Variants in COL21A1 observed in about 807,000 individuals in gnomAD.
COL21A1 encodes collagen type XXI alpha 1 chain.
COL21A1 carries 149 observed loss-of-function variants against 137.9 expected under a neutral mutation model. That is an observed-to-expected ratio of 1.08 (90% CI 0.95 to 1.24). The LOEUF (loss-of-function observed/expected upper bound fraction) is 1.24. Ranked by LOEUF, COL21A1 falls within the 50% of genes most tolerant of loss-of-function variation. The pLI, the probability that COL21A1 is intolerant of heterozygous loss-of-function variation, is 0.00. For missense variants in COL21A1, 1,167 were observed against 1,158.4 expected, an observed-to-expected ratio of 1.01 and a Z score of -0.11; for synonymous variants, 456 against 391.5, an observed-to-expected ratio of 1.16 and a Z score of -1.95.
intron 12 of COL21A1, among the ~76,000 whole-genome samples, chr6:56,131,233 C>A (rs1442580118): frequency 6.6e-6 from 1 of 151,544 alleles, no homozygotes; most frequent in Non-Finnish European, 1.5e-5. Context: ...TAATAACTTG[C>A]AAAGGCAAAT....
intron 1 of COL21A1, among the ~76,000 whole-genome samples, chr6:56,255,462 T>C (rs1289242119): frequency 6.6e-6 from 1 of 152,020 alleles, no homozygotes; most frequent in Admixed American, 6.6e-5. Flanking sequence ...GCCTTTTTTA[T>C]CAGATGCTAT....
At chr6:56,156,584 T>C (rs1582506972) in intron 10 of COL21A1, among the ~76,000 whole-genome samples, 1 of 152,268 alleles carries the variant, frequency 6.6e-6, no homozygotes, top group East Asian at 1.9e-4. Context: ...GAGCACCAAT[T>C]AGTAAAGGGA....
chr6:56,073,748 C>T (rs1318606564), intron 20 of COL21A1, among the ~76,000 whole-genome samples: 1 of 151,556 alleles, frequency 6.6e-6, no homozygotes, highest in Non-Finnish European at 1.5e-5. Context: ...ATTTGTTAAG[C>T]TTGCCTTACT....
At chr6:56,111,471 A>G (rs1771425799) in intron 16 of COL21A1, among the ~76,000 whole-genome samples, 1 of 152,190 alleles carries the variant, frequency 6.6e-6, no homozygotes, top group Non-Finnish European at 1.5e-5. Context: ...CAAATATACC[A>G]TAGTAATATA....
At chr6:56,326,515 C>T (rs1025748822) in intron 1 of COL21A1, among the ~76,000 whole-genome samples, 8 of 151,876 alleles carry the variant, frequency 5.3e-5, no homozygotes, top group South Asian at 4.2e-4. Context: ...ATTAGACTCT[C>T]GAATCTTGCC....
At chr6:56,108,433 TA>T (rs1208397442) in intron 16 of COL21A1, among the ~76,000 whole-genome samples, 14 of 151,662 alleles carry the variant, frequency 9.2e-5, no homozygotes, top group Admixed American at 9.2e-4. Context: ...AGCAAGCAAA[TA>T]AAAATAAAAA....
At chr6:56,146,181 T>G (rs990818028) in intron 10 of COL21A1, among the ~76,000 whole-genome samples, 2 of 152,100 alleles carry the variant, frequency 1.3e-5, no homozygotes, top group African/African-American at 4.8e-5. Flanking sequence ...AAGAAATAAT[T>G]TTGGATGTCA....
At chr6:56,278,933 G>C (rs1763731680) in intron 1 of COL21A1, among the ~76,000 whole-genome samples, 1 of 152,208 alleles carries the variant, frequency 6.6e-6, no homozygotes, top group Admixed American at 6.5e-5. Flanking sequence ...GGCTGAGCTA[G>C]GGATTAGTGA....
intron 1 of COL21A1, among the ~76,000 whole-genome samples, chr6:56,301,166 C>A (rs1356510893): frequency 6.6e-6 from 1 of 152,034 alleles, no homozygotes; most frequent in African/African-American, 2.4e-5. Flanking sequence ...CCTTACATGG[C>A]AAAAGAGACT....
chr6:56,082,994 T>TGATA (rs10653594), intron 17 of COL21A1, among the ~76,000 whole-genome samples: 110,982 of 151,318 alleles, frequency 0.73, 41,189 homozygotes, highest in East Asian at 0.87. Flanking sequence ...ATGAAACAAT[T>TGATA]GACAAGCATT....
Position 56,247,462 on chromosome 6 carries a change from G to A in COL21A1, c.-114C>T, listed in dbSNP as rs2152328186. On this transcript the variant is annotated 5_prime_UTR_variant, in exon 1 of 30. Transcript: ENST00000244728. ...CGCCAGGGGGACAGGTATGTTCCAGGCAGTGGCAAGCCCAACCCGAGCAAG... is the reference window on the plus strand; with the variant it reads ...CGCCAGGGGGACAGGTATGTTCCAGACAGTGGCAAGCCCAACCCGAGCAAG... The A allele has an allele frequency of 6.6e-6, 1 of 152,480 alleles. No individual in the cohort carries two copies. 9.4% of individuals were successfully genotyped at this position (152,480 alleles called of 1,614,324 possible).
At chr6:56,371,658 A>C (rs558153442) in intron 1 of COL21A1, among the ~76,000 whole-genome samples, 1 of 152,322 alleles carries the variant, frequency 6.6e-6, no homozygotes, top group African/African-American at 2.4e-5. Flanking sequence ...CAGAATCTGC[A>C]GTTCAGCCTC....
chr6:56,299,567 T>C (rs7755746), intron 1 of COL21A1, among the ~76,000 whole-genome samples: 128,171 of 152,018 alleles, frequency 0.84, 56,026 homozygotes, highest in South Asian at 0.97. Flanking sequence ...AAGTCATTTA[T>C]AATCACTGTA....
intron 10 of COL21A1, among the ~76,000 whole-genome samples, chr6:56,147,422 G>C (rs772597906): frequency 2.0e-5 from 3 of 151,208 alleles, no homozygotes; most frequent in Non-Finnish European, 4.4e-5. Context: ...AGAGTGCCAG[G>C]AATACAGTAA....
intron 1 of COL21A1, among the ~76,000 whole-genome samples, chr6:56,227,096 A>T (rs1262961653): frequency 6.6e-6 from 1 of 152,026 alleles, no homozygotes; most frequent in African/African-American, 2.4e-5. Context: ...AAACTCTGCA[A>T]TGCTGGTTTT....
chr6:56,075,453 G>A (rs1767143855), intron 19 of COL21A1, 26 bp downstream of exon 19: 5 of 1,527,550 alleles, frequency 3.3e-6, no homozygotes, highest in South Asian at 2.5e-5. Context: ...ACACTTTGAT[G>A]TATGATGATA....
At chr6:56,374,392 A>G (rs1330619253) in intron 1 of COL21A1, among the ~76,000 whole-genome samples, 1 of 152,196 alleles carries the variant, frequency 6.6e-6, no homozygotes, top group Non-Finnish European at 1.5e-5. Context: ...AGTAGAACAA[A>G]ATAGGATATT....
At chr6:56,189,101 C>A (rs1481376248) in intron 1 of COL21A1, among the ~76,000 whole-genome samples, 1 of 152,036 alleles carries the variant, frequency 6.6e-6, no homozygotes, top group Admixed American at 6.6e-5. Flanking sequence ...GGGAACAAAA[C>A]TGCGCAGAGA....
intron 1 of COL21A1, among the ~76,000 whole-genome samples, chr6:56,206,359 G>C (rs1779781003): frequency 6.7e-6 from 1 of 148,476 alleles, no homozygotes; most frequent in Admixed American, 6.7e-5. Context: ...TGATGAAACA[G>C]ACTTTAAATC....
Sources: gnomAD v4.1 joint callset for allele counts (sites outside exome capture counted in the v4.1 genomes callset) on GRCh38, gnomAD v4.1.1 for gene constraint, MANE v1.5 for transcripts, NCBI Gene and HGNC (gene_info 2026-07-23, HGNC 2026-07-21) for gene names.